PTOV1: variants seen among roughly 807,000 people sequenced by gnomAD.
PTOV1 encodes PTOV1 extended AT-hook containing adaptor protein, also known as prostate tumor-overexpressed gene 1 protein.
PTOV1 carries 20 observed loss-of-function variants against 58.0 expected under a neutral mutation model. That is an observed-to-expected ratio of 0.34 (90% CI 0.24 to 0.50). The LOEUF (loss-of-function observed/expected upper bound fraction) is 0.50, where lower values mean the gene tolerates loss of function less well. Ranked by LOEUF, PTOV1 falls within the 20% of genes least tolerant of loss-of-function variation. PTOV1 has a pLI of 0.98. For synonymous variants in PTOV1, 335 were observed against 234.2 expected, an observed-to-expected ratio of 1.43 and a Z score of -3.93; for missense variants, 593 against 565.4, an observed-to-expected ratio of 1.05 and a Z score of -0.50.
At chr19:49,851,470 C>T in exon 1 of PTOV1, 1 of 1,221,650 alleles carries the variant, frequency 8.2e-7, no homozygotes, top group Non-Finnish European at 1.0e-6. Context: ...GCAGCCTCCG[C>T]GGATCCGGGC....
At chr19:49,860,038 T>A in exon 11 of PTOV1, 3 of 1,614,216 alleles carry the variant, frequency 1.9e-6, no homozygotes, top group Non-Finnish European at 2.5e-6. Flanking sequence ...CGCGTGCTTA[T>A]GCTCCTGTAC....
At chr19:49,859,638 T>G (rs1050824629) in intron 10 of PTOV1, among the ~76,000 whole-genome samples, 20 of 152,114 alleles carry the variant, frequency 1.3e-4, no homozygotes, top group Admixed American at 1.2e-3. Context: ...CCCTTGCTTG[T>G]GCTGGGCCGG....
At position 49,854,552 on chromosome 19, in the gene PTOV1, CTG is replaced by C; in HGVS notation, c.309+12_309+13del. On this transcript the variant is annotated intron_variant, in intron 2 of 11. Transcript: ENST00000391842. ...TCCTCGAGTGGCAGGAGGTGAGTCT[CTG>C]TGGGGCTGCGGCTGGCCTCCAGGGT... is the stretch of plus-strand genomic sequence containing the variant. 1 of 1,612,710 alleles carries C rather than the reference CTG, an allele frequency of 6.2e-7. No individual in the cohort carries two copies.
At chr19:49,856,807 G>C in intron 5 of PTOV1, 168 bp from the exon 6 acceptor site, 1 of 768,396 alleles carries the variant, frequency 1.3e-6, no homozygotes, top group South Asian at 1.8e-5. Flanking sequence ...GCCGATGGGC[G>C]CTGCACGGGC....
intron 6 of PTOV1, 34 bp downstream of exon 6, chr19:49,857,164 GA>G: frequency 6.2e-7 from 1 of 1,608,732 alleles, no homozygotes; most frequent in Admixed American, 1.7e-5. Context: ...TCTGGGGACA[GA>G]GGGGGATTAG....
exon 3 of PTOV1, chr19:49,854,708 A>T: frequency 6.2e-7 from 1 of 1,613,406 alleles, no homozygotes; most frequent in East Asian, 2.2e-5. Context: ...TGCCCTGCCA[A>T]GCCTACGTGA....
chr19:49,857,656 C>T (rs977043320), intron 6 of PTOV1, 37 bp from the exon 7 acceptor site: 1 of 1,587,970 alleles, frequency 6.3e-7, no homozygotes, highest in African/African-American at 1.3e-5. Context: ...TTCCCAGGAG[C>T]CTGGGCCCCT....
At chr19:49,850,832 C>G (rs1175103505), upstream of PTOV1, 2 of 1,534,048 alleles carry the variant, frequency 1.3e-6, no homozygotes, top group Non-Finnish European at 1.7e-6. Context: ...CCCCTCTTCC[C>G]TGATGTATTT....
At chr19:49,856,580 C>A in intron 5 of PTOV1, 1 of 219,132 alleles carries the variant, frequency 4.6e-6, no homozygotes, top group Non-Finnish European at 9.2e-6. Flanking sequence ...GGCCCAGAAG[C>A]AGGAGGTGGC....
At chr19:49,852,078 C>CTG in intron 1 of PTOV1, 1 of 985,368 alleles carries the variant, frequency 1.0e-6, no homozygotes, top group Non-Finnish European at 1.2e-6. Flanking sequence ...GTACTTTGGG[C>CTG]TGCACACGCT....
intron 1 of PTOV1, among the ~76,000 whole-genome samples, chr19:49,854,032 G>A (rs1188932575): frequency 1.3e-5 from 2 of 152,220 alleles, no homozygotes; most frequent in South Asian, 2.1e-4. Context: ...GGAAGCCCTG[G>A]GCCCAGCCTG....
intron 5 of PTOV1, 25 bp from the exon 6 acceptor site, chr19:49,856,950 G>A (rs746492011): frequency 2.5e-6 from 4 of 1,611,044 alleles, no homozygotes; most frequent in Non-Finnish European, 3.4e-6. Context: ...AGTGACCACA[G>A]GGTCCTGACC....
At chr19:49,854,301 G>C in intron 1 of PTOV1, 105 bp from the exon 2 acceptor site, 2 of 1,457,328 alleles carry the variant, frequency 1.4e-6, no homozygotes, top group Non-Finnish European at 1.9e-6. Context: ...TCCAGCAGGG[G>C]ATTTGGGGCT....
Position 49,857,797 on chromosome 19 carries a change from G to A in PTOV1, c.804+15G>A, listed in dbSNP as rs2074545092. ...AGTGGCAGGAGGTGAGCACTCGGCA[G>A]CCCAGGGACTTGGGACCCCCAGATC... On this transcript the variant is annotated intron_variant, in intron 7 of 11. Coordinates refer to ENST00000391842, the Ensembl canonical transcript of PTOV1. The A allele has an allele frequency of 1.9e-6, 3 of 1,613,744 alleles. No homozygotes were observed. The highest frequency in any genetic ancestry group is 2.5e-6 in the Non-Finnish European group (3 of 1,179,820).
At position 49,854,893 on chromosome 19, in the gene PTOV1, G is replaced by GGGCCC; in HGVS notation, c.450+5_450+6insGGCCC. On this transcript the variant is annotated splice_donor_region_variant and intron_variant, in intron 4 of 11. Transcript: ENST00000391842. ...CTGATCCCTCAGCAGCTGCTGGTGAGACCCGCCCCTCCCACCCCATCCACT... is the reference window on the plus strand; with the variant it reads ...CTGATCCCTCAGCAGCTGCTGGTGAGGGCCCACCCGCCCCTCCCACCCCATCCACT... The GGGCCC allele has an allele frequency of 6.2e-6, 10 of 1,603,456 alleles. No homozygotes were observed. Among genetic ancestry groups the GGGCCC allele is most frequent in the Non-Finnish European group, 7.7e-6 (9 of 1,173,250 alleles).
intron 10 of PTOV1, chr19:49,859,434 T>A (rs2074642980): frequency 6.4e-6 from 1 of 156,132 alleles, no homozygotes; most frequent in Admixed American, 6.3e-5. Context: ...CTACTAAAAA[T>A]ACAAAAATTA....
At position 49,851,583 on chromosome 19, in the gene PTOV1, C is replaced by T. The variant is rs983378780; in HGVS notation, c.171+84C>T. On this transcript the variant is annotated intron_variant, in intron 1 of 11. Transcript: ENST00000391842. ...CCGGGCTCACGCCTTTGTCCGCAGC[C>T]CCCGCCGCTCCGGGGTGTCCCCTGT... is the stretch of plus-strand genomic sequence containing the variant. 14 of 1,038,484 alleles carry T rather than the reference C, an allele frequency of 1.3e-5. No individual in the cohort carries two copies. In the African/African-American group the frequency reaches 2.2e-4, roughly 16 times the overall value. 64.3% of individuals were successfully genotyped at this position (1,038,484 alleles called of 1,614,324 possible). A position where few individuals can be genotyped will look rare whatever the true frequency, so the allele number is the denominator to read the frequency against.
At chr19:49,854,228 T>A (rs1214929242) in intron 1 of PTOV1, among the ~76,000 whole-genome samples, 178 bp from the exon 2 acceptor site, 1 of 152,036 alleles carries the variant, frequency 6.6e-6, no homozygotes, top group African/African-American at 2.4e-5. Context: ...GGAAAGGACA[T>A]GAGGACCAGC....
chr19:49,853,853 G>A (rs1386427705), intron 1 of PTOV1, among the ~76,000 whole-genome samples: 2 of 152,164 alleles, frequency 1.3e-5, no homozygotes, highest in Non-Finnish European at 2.9e-5. Context: ...CCTCCCCCCG[G>A]GGTCAGACTT....
Sources: gnomAD v4.1 joint callset for allele counts (sites outside exome capture counted in the v4.1 genomes callset) on GRCh38, gnomAD v4.1.1 for gene constraint, MANE v1.5 for transcripts, NCBI Gene and HGNC (gene_info 2026-07-23, HGNC 2026-07-21) for gene names.